Variants in TMIGD2 observed in about 807,000 individuals in gnomAD.
The protein encoded by TMIGD2 is transmembrane and immunoglobulin domain containing 2.
Under a neutral mutation model 22.6 loss-of-function variants are expected in TMIGD2, and 18 were observed. That is an observed-to-expected ratio of 0.80 (90% CI 0.55 to 1.18). The LOEUF (loss-of-function observed/expected upper bound fraction) is 1.18, where lower values mean the gene tolerates loss of function less well. Among genes scored for constraint, TMIGD2 ranks in the 50% most tolerant of loss-of-function variants. TMIGD2 has a pLI of 0.00. For missense variants in TMIGD2, 361 were observed against 378.2 expected (o/e 0.95, Z 0.38); for synonymous variants, 184 against 154.1 (o/e 1.19, Z -1.44).
At position 4,292,759 on chromosome 19, in the gene TMIGD2, G is replaced by T. The variant is rs757055087; in HGVS notation, c.689C>A (p.Ala230Asp). The T allele has an allele frequency of 1.1e-5, 18 of 1,610,916 alleles. No individual in the cohort carries two copies. Among genetic ancestry groups the T allele is most frequent in the Non-Finnish European group, 1.4e-5 (17 of 1,179,176 alleles). The change falls in exon 5 of 5, where the codon GCC (alanine) becomes GAC (aspartate). Residue 230 changes from alanine to aspartate, a missense_variant. Physicochemically the swap from Ala to Asp is moderately radical, Grantham distance 126. Transcript: ENST00000301272. ...TGACGCCAGGTGCGGCTGGCGGGGG[G>T]CCGGTTGCGGGAAGGAGGTTGAATA...
chr19:4,301,913 G>T (rs1971541506), intron 1 of TMIGD2, among the ~76,000 whole-genome samples: 1 of 152,150 alleles, frequency 6.6e-6, no homozygotes, highest in Non-Finnish European at 1.5e-5. Context: ...GTTATGTGAA[G>T]TTCCTGGCAT....
At chr19:4,296,130 G>A (rs1971458959) in intron 2 of TMIGD2, among the ~76,000 whole-genome samples, 2 of 152,142 alleles carry the variant, frequency 1.3e-5, no homozygotes, top group African/African-American at 4.8e-5. Context: ...TGTTGGCCAA[G>A]CTGGTCTCGA....
rs749558158 is a variant in TMIGD2 at position 4,294,768 on chromosome 19, G to A, written c.448+7C>T. 5.0e-6 allele frequency: 8 copies of A among 1,588,156 alleles called. No homozygotes were observed. The highest frequency in any genetic ancestry group is 6.8e-6 in the Non-Finnish European group (8 of 1,168,154). ...ACGCTGGGGGAGGAACACAGGGCAG[G>A]GCTCACCTGGGAAGCTTGCGATCCG... On this transcript the variant is annotated splice_region_variant and intron_variant, in intron 3 of 4. Transcript: ENST00000301272.
chr19:4,294,567 C>G lies in TMIGD2; in HGVS notation c.562G>C (p.Gly188Arg). Residue 188 changes from glycine to arginine, a missense_variant and splice_region_variant, in exon 4 of 5, where the codon GGA becomes CGA. Gly to Arg is a moderately radical substitution (Grantham distance 125). Coordinates refer to ENST00000301272, the Ensembl canonical transcript of TMIGD2. ...CCTCCTCCGCCCTACCCTCCCTTACCTGGGCTGTTACCTGAGTCCCTTTGC... is the reference window on the plus strand; with the variant it reads ...CCTCCTCCGCCCTACCCTCCCTTACGTGGGCTGTTACCTGAGTCCCTTTGC... The G allele has an allele frequency of 6.2e-7, 1 of 1,612,118 alleles. No homozygotes were observed. The highest frequency in any genetic ancestry group is 8.5e-7 in the Non-Finnish European group (1 of 1,179,322).
At chr19:4,293,409 C>G (rs57565734) in intron 4 of TMIGD2, among the ~76,000 whole-genome samples, 4,804 of 150,142 alleles carry the variant, frequency 0.032, 322 homozygotes, top group African/African-American at 0.11. Context: ...TACAAGCCCC[C>G]GCTACTACGT....
chr19:4,298,920 C>G (rs1056064491), intron 1 of TMIGD2, among the ~76,000 whole-genome samples: 1 of 152,106 alleles, frequency 6.6e-6, no homozygotes, highest in African/African-American at 2.4e-5. Context: ...ATGCCAGGCC[C>G]TATGCTGGGT....
chr19:4,294,535 G>C (rs1407149414), intron 4 of TMIGD2, 44 bp downstream of exon 4: 4 of 1,590,398 alleles, frequency 2.5e-6, no homozygotes, highest in East Asian at 2.2e-5. Flanking sequence ...AGCAGCTGCA[G>C]TTCCCACCTC....
chr19:4,301,098 G>T (rs982391456), intron 1 of TMIGD2, among the ~76,000 whole-genome samples: 3 of 152,036 alleles, frequency 2.0e-5, no homozygotes, highest in Non-Finnish European at 4.4e-5. Context: ...TCAGCCTCTT[G>T]AGTAGCTGGG....
intron 1 of TMIGD2, among the ~76,000 whole-genome samples, chr19:4,300,102 AC>A (rs1482442723): frequency 6.6e-6 from 1 of 150,624 alleles, no homozygotes; most frequent in Non-Finnish European, 1.5e-5. Context: ...CTCTACTTAA[AC>A]TACAAAAATT....
chr19:4,294,627 A>C, exon 4 of TMIGD2: 1 of 1,608,636 alleles, frequency 6.2e-7, no homozygotes, highest in South Asian at 1.1e-5. Context: ...CAGGCACCCC[A>C]CACGATCGCA....
intron 4 of TMIGD2, 79 bp from the exon 5 acceptor site, chr19:4,292,964 C>T (rs1971402972): frequency 1.1e-5 from 15 of 1,383,148 alleles, no homozygotes; most frequent in Admixed American, 7.0e-5. Flanking sequence ...GGATCTGTCT[C>T]TTTTTTTTTT....
intron 1 of TMIGD2, among the ~76,000 whole-genome samples, chr19:4,301,512 CA>C (rs1407567875): frequency 6.6e-6 from 1 of 151,942 alleles, no homozygotes; most frequent in African/African-American, 2.4e-5. Context: ...ACTAAAAATA[CA>C]AAAAAAATTA....
intron 1 of TMIGD2, among the ~76,000 whole-genome samples, chr19:4,299,845 C>A (rs1971512035): frequency 6.7e-6 from 1 of 149,990 alleles, no homozygotes; most frequent in Admixed American, 6.7e-5. Flanking sequence ...GAGACCCTGC[C>A]ACTGCACTCT....
exon 5 of TMIGD2, chr19:4,292,523 C>T: frequency 7.0e-7 from 1 of 1,422,390 alleles, no homozygotes; most frequent in Non-Finnish European, 9.9e-7. Context: ...AGGCGTGAGC[C>T]ACCGTGTCTG....
intron 2 of TMIGD2, among the ~76,000 whole-genome samples, chr19:4,295,692 G>GTTGTTT (rs1971453572): frequency 6.6e-6 from 1 of 152,096 alleles, no homozygotes; most frequent in Non-Finnish European, 1.5e-5. Context: ...ATCCTGTTTG[G>GTTGTTT]TTGTTTTTGT....
intron 2 of TMIGD2, 80 bp from the exon 3 acceptor site, chr19:4,294,896 G>C (rs1194793807): frequency 3.7e-6 from 5 of 1,356,776 alleles, no homozygotes; most frequent in Non-Finnish European, 4.9e-6. Flanking sequence ...GGGGACCTAA[G>C]TGTTCCTCCT....
intron 2 of TMIGD2, among the ~76,000 whole-genome samples, chr19:4,296,932 G>A (rs1363458915): frequency 6.6e-6 from 1 of 152,198 alleles, no homozygotes; most frequent in East Asian, 1.9e-4. Flanking sequence ...ACAGTGCATA[G>A]GGTGCACCCC....
rs373540621 is a variant in TMIGD2 at position 4,294,763 on chromosome 19, G to A, written c.448+12C>T. 1.7e-5 allele frequency: 27 copies of A among 1,587,100 alleles called. No homozygotes were observed. The highest frequency in any genetic ancestry group is 2.2e-5 in the Non-Finnish European group (26 of 1,167,524). ...GGAAGACGCTGGGGGAGGAACACAGGGCAGGGCTCACCTGGGAAGCTTGCG... is the reference window on the plus strand; with the variant it reads ...GGAAGACGCTGGGGGAGGAACACAGAGCAGGGCTCACCTGGGAAGCTTGCG... On this transcript the variant is annotated intron_variant, in intron 3 of 4. Coordinates refer to ENST00000301272, the Ensembl canonical transcript of TMIGD2.
At chr19:4,293,405 C>T (rs751361410) in intron 4 of TMIGD2, among the ~76,000 whole-genome samples, 9 of 150,522 alleles carry the variant, frequency 6.0e-5, no homozygotes, top group Non-Finnish European at 1.3e-4. Context: ...GGATTACAAG[C>T]CCCCGCTACT....
Sources: allele counts gnomAD v4.1 joint callset (sites outside exome capture counted in the v4.1 genomes callset), GRCh38; gene constraint gnomAD v4.1.1; transcripts MANE v1.5; gene names NCBI Gene and HGNC (gene_info 2026-07-23, HGNC 2026-07-21).